Variants in CCSER1 observed in about 807,000 individuals in gnomAD.
The protein encoded by CCSER1 is serine-rich coiled-coil domain-containing protein 1.
In CCSER1, 41 loss-of-function variants were observed where a neutral mutation model predicts 82.0. The observed-to-expected ratio is 0.50, with a 90% CI of 0.39 to 0.65. CCSER1 has a LOEUF of 0.65. Among genes scored for constraint, CCSER1 ranks in the 30% least tolerant of loss-of-function variants. The probability of loss-of-function intolerance (pLI) is 0.00; values close to 1 mark genes in which losing one functional copy is unlikely to be tolerated. For synonymous variants in CCSER1, 414 were observed against 383.9 expected, an observed-to-expected ratio of 1.08 and a Z score of -0.92; for missense variants, 1,119 against 1,064.2, an observed-to-expected ratio of 1.05 and a Z score of -0.72.
At chr4:90,730,403 C>G (rs1338434340) in intron 7 of CCSER1, among the ~76,000 whole-genome samples, 1 of 152,070 alleles carries the variant, frequency 6.6e-6, no homozygotes, top group Non-Finnish European at 1.5e-5. Flanking sequence ...TCATTTTTTA[C>G]TAAGCCATCT....
rs577774405 is a variant in CCSER1, at chr4:91,297,253, C to T, written c.2217+211259C>T. On this transcript the variant is annotated intron_variant, in intron 10 of 10. Coordinates refer to ENST00000509176, the MANE Select transcript of CCSER1 (RefSeq NM_001145065.2). ...GTTATGTTTGTAAAAAAGACAGATA[C>T]ATTTTAAAAACAGGCTGCAGAAACA... Among the ~76,000 whole-genome samples the T allele has an allele frequency of 2.0e-4, 30 of 151,866 alleles. No homozygotes were observed. The East Asian group carries it at 5.9e-3, about 30-fold the overall frequency.
intron 10 of CCSER1, among the ~76,000 whole-genome samples, chr4:91,110,660 G>A (rs1726021042): frequency 6.6e-6 from 1 of 151,984 alleles, no homozygotes; most frequent in Admixed American, 6.5e-5. Flanking sequence ...AATAGACTAT[G>A]AGTTCCTAGA....
intron 9 of CCSER1, among the ~76,000 whole-genome samples, chr4:91,005,199 A>C (rs768609968): frequency 6.6e-6 from 1 of 152,224 alleles, no homozygotes; most frequent in Non-Finnish European, 1.5e-5. Context: ...AAGAGTTAAC[A>C]CAAGAGTCTT....
intron 7 of CCSER1, among the ~76,000 whole-genome samples, chr4:90,782,681 C>CTT (rs200701722): frequency 0.088 from 10,869 of 123,330 alleles, 1,608 homozygotes; most frequent in African/African-American, 0.27. Flanking sequence ...TCTTTTCTTT[C>CTT]TTTCTTTTTT....
At chr4:90,294,718 T>C (rs978996933) in intron 1 of CCSER1, among the ~76,000 whole-genome samples, 15 of 152,056 alleles carry the variant, frequency 9.9e-5, no homozygotes, top group Admixed American at 4.6e-4. Flanking sequence ...TAAAAGTAAT[T>C]CATGAATTCA....
At chr4:90,720,310 A>C (rs530525380) in intron 6 of CCSER1, among the ~76,000 whole-genome samples, 42 of 149,138 alleles carry the variant, frequency 2.8e-4, no homozygotes, top group African/African-American at 9.6e-4. Flanking sequence ...TTAAAAAAAA[A>C]CACAAGACCT....
rs565864342 is a variant in CCSER1 at position 91,218,179 on chromosome 4, G to T, written c.2217+132185G>T. Among the ~76,000 whole-genome samples, 5 of 152,314 alleles carry T rather than the reference G, an allele frequency of 3.3e-5. No individual in the cohort carries two copies. In the East Asian group the frequency reaches 9.7e-4, roughly 29 times the overall value. Reference sequence around the variant, plus strand: ...GCACGGTGGGCCGGCACTGCTGGGGGACTCAGTACACCCTTGGCAGCCACT... The same window carrying T: ...GCACGGTGGGCCGGCACTGCTGGGGTACTCAGTACACCCTTGGCAGCCACT... On this transcript the variant is annotated intron_variant, in intron 10 of 10. Coordinates refer to ENST00000509176, the MANE Select transcript of CCSER1 (RefSeq NM_001145065.2).
intron 1 of CCSER1, among the ~76,000 whole-genome samples, chr4:90,246,641 A>G (rs1343891766): frequency 3.9e-5 from 6 of 152,146 alleles, no homozygotes; most frequent in Non-Finnish European, 5.9e-5. Flanking sequence ...ATGAAAACAG[A>G]TGGATGCAAT....
At chr4:90,314,020 GATAATT>G (rs1290147540) in intron 3 of CCSER1, among the ~76,000 whole-genome samples, 1 of 152,134 alleles carries the variant, frequency 6.6e-6, no homozygotes, top group African/African-American at 2.4e-5. Flanking sequence ...ATTGAGATCT[GATAATT>G]ATTTTGTGAA....
intron 7 of CCSER1, among the ~76,000 whole-genome samples, chr4:90,793,003 C>T (rs1244326663): frequency 3.9e-5 from 6 of 151,958 alleles, no homozygotes; most frequent in Admixed American, 3.3e-4. Context: ...TCTGGCCAGG[C>T]CTCAAAACTG....
intron 10 of CCSER1, among the ~76,000 whole-genome samples, chr4:91,580,345 C>T (rs1220899883): frequency 6.6e-6 from 1 of 151,766 alleles, no homozygotes. Flanking sequence ...TTCCTGTGTG[C>T]CAGGTATTGT....
At chr4:90,809,626 A>G (rs1047821790) in intron 7 of CCSER1, among the ~76,000 whole-genome samples, 8 of 152,078 alleles carry the variant, frequency 5.3e-5, no homozygotes, top group African/African-American at 1.9e-4. Context: ...CCTAGACTTC[A>G]CCACTATACA....
rs537477047 is a variant in CCSER1 at position 90,611,996 on chromosome 4, C to A, written c.1725-16029C>A. 1.1e-4 allele frequency among the ~76,000 whole-genome samples: 16 copies of A among 151,630 alleles called. No individual in the cohort carries two copies. The South Asian group carries it at 3.1e-3, about 29-fold the overall frequency. ...CTTTTTACACTCTTTCTTAATATATCTCTTTTATTTACCTTATTTTCACTT... is the reference window on the plus strand; with the variant it reads ...CTTTTTACACTCTTTCTTAATATATATCTTTTATTTACCTTATTTTCACTT... On this transcript the variant is annotated intron_variant, in intron 5 of 10. Transcript: ENST00000509176.
At chr4:91,292,189 A>G (rs1485450201) in intron 10 of CCSER1, among the ~76,000 whole-genome samples, 1 of 152,042 alleles carries the variant, frequency 6.6e-6, no homozygotes, top group Non-Finnish European at 1.5e-5. Context: ...GAGGAGCTGT[A>G]TGTACATGGT....
At chr4:90,835,821 C>CT (rs1761735678) in intron 8 of CCSER1, among the ~76,000 whole-genome samples, 1 of 152,110 alleles carries the variant, frequency 6.6e-6, no homozygotes, top group Admixed American at 6.5e-5. Flanking sequence ...ATCTGGGAGA[C>CT]TTTTGCTGCA....
At chr4:90,290,237 A>G (rs536631176) in intron 1 of CCSER1, among the ~76,000 whole-genome samples, 2 of 151,994 alleles carry the variant, frequency 1.3e-5, no homozygotes, top group East Asian at 3.9e-4. Flanking sequence ...ATGCTATACT[A>G]AGATGTGCAG....
At chr4:90,591,735 G>T (rs1313817361) in intron 5 of CCSER1, among the ~76,000 whole-genome samples, 1 of 152,128 alleles carries the variant, frequency 6.6e-6, no homozygotes, top group African/African-American at 2.4e-5. Context: ...ACATGAACGT[G>T]TATGTTTATT....
chr4:91,547,304 A>T (rs1054975870), intron 10 of CCSER1, among the ~76,000 whole-genome samples: 9 of 152,150 alleles, frequency 5.9e-5, no homozygotes, highest in Admixed American at 1.3e-4. Flanking sequence ...CGGATGTTAC[A>T]ATCAGCTATG....
chr4:90,273,508 T>A lies in CCSER1; in HGVS notation c.-41-34736T>A, dbSNP rs78358121. ...TACTATGTACCCACAAAAATAATTT[T>A]AAAAAACTGAAGTTTTAAATCAGAA... On this transcript the variant is annotated intron_variant, in intron 1 of 10. Coordinates refer to ENST00000509176, the MANE Select transcript of CCSER1 (RefSeq NM_001145065.2). Among the ~76,000 whole-genome samples the A allele has an allele frequency of 1.6e-3, 244 of 152,272 alleles. 5 individuals carry two copies. In the East Asian group the frequency reaches 0.03, roughly 18 times the overall value.
Sources: gnomAD v4.1 joint callset for allele counts (sites outside exome capture counted in the v4.1 genomes callset) on GRCh38, gnomAD v4.1.1 for gene constraint, MANE v1.5 for transcripts, NCBI Gene and HGNC (gene_info 2026-07-23, HGNC 2026-07-21) for gene names.